Variants in SH3D19 observed in about 807,000 individuals in gnomAD.
SH3D19 encodes SH3 domain-containing protein 19.
Under a neutral mutation model 112.1 loss-of-function variants are expected in SH3D19, and 58 were observed. That is an observed-to-expected ratio of 0.52 (90% CI 0.42 to 0.64). SH3D19 has a LOEUF of 0.64. Among genes scored for constraint, SH3D19 ranks in the 30% least tolerant of loss-of-function variants. The probability of loss-of-function intolerance (pLI) is 0.00; values close to 1 mark genes in which losing one functional copy is unlikely to be tolerated. For missense variants in SH3D19, 1,090 were observed against 1,263.4 expected (o/e 0.86, Z 2.08); for synonymous variants, 391 against 448.5 (o/e 0.87, Z 1.62).
intron 1 of SH3D19, chr4:151,262,426 C>G (rs1222235519): frequency 6.6e-6 from 1 of 152,216 alleles, no homozygotes; most frequent in African/African-American, 2.4e-5. Context: ...TTGAGCTCAT[C>G]ATCAGTGAAG....
intron 2 of SH3D19, among the ~76,000 whole-genome samples, chr4:151,202,210 C>T (rs1207584924): frequency 6.6e-6 from 1 of 152,018 alleles, no homozygotes; most frequent in Admixed American, 6.6e-5. Flanking sequence ...TGGCACACAC[C>T]TGTAGTCCTA....
At chr4:151,271,931 T>C (rs1431759906) in intron 1 of SH3D19, among the ~76,000 whole-genome samples, 1 of 152,148 alleles carries the variant, frequency 6.6e-6, no homozygotes, top group Non-Finnish European at 1.5e-5. Flanking sequence ...ACGTTAATGA[T>C]GGCATAGGGT....
chr4:151,265,574 T>C (rs13131764), intron 1 of SH3D19, among the ~76,000 whole-genome samples: 39,251 of 81,134 alleles, frequency 0.48, 6,280 homozygotes, highest in Middle Eastern at 0.62. Context: ...CTTTTCTTTT[T>C]TTTTTTTTTT....
intron 1 of SH3D19, chr4:151,291,531 T>G (rs1229666311): frequency 1.9e-6 from 2 of 1,030,610 alleles, no homozygotes; most frequent in African/African-American, 3.2e-5. Flanking sequence ...GTTTTTGATT[T>G]TGGAAGTTTT....
chr4:151,185,878 A>G (rs986013761), intron 3 of SH3D19, among the ~76,000 whole-genome samples: 3 of 152,124 alleles, frequency 2.0e-5, no homozygotes, highest in Non-Finnish European at 4.4e-5. Context: ...CATCTCTACT[A>G]AAAATACAAA....
intron 19 of SH3D19, among the ~76,000 whole-genome samples, 163 bp from the exon 20 acceptor site, chr4:151,122,370 G>A (rs1748106429): frequency 6.6e-6 from 1 of 152,112 alleles, no homozygotes; most frequent in South Asian, 2.1e-4. Flanking sequence ...GATGCCATTT[G>A]CTTGTAAGCC....
chr4:151,236,550 C>T (rs183862951), intron 1 of SH3D19, among the ~76,000 whole-genome samples: 84 of 152,138 alleles, frequency 5.5e-4, no homozygotes, highest in African/African-American at 1.9e-3. Flanking sequence ...TGTAAACGCA[C>T]CAATCAGCAC....
intron 3 of SH3D19, among the ~76,000 whole-genome samples, chr4:151,183,129 T>A (rs2149841457): frequency 6.6e-6 from 1 of 151,970 alleles, no homozygotes; most frequent in African/African-American, 2.4e-5. Flanking sequence ...GTAGCTGGGA[T>A]TACAGGTGCC....
intron 1 of SH3D19, among the ~76,000 whole-genome samples, chr4:151,255,151 G>A (rs1408462246): frequency 6.6e-5 from 10 of 151,774 alleles, no homozygotes; most frequent in South Asian, 2.1e-4. Context: ...CCTCCCAGAC[G>A]GGGTGGCTGC....
At chr4:151,208,839 G>A (rs373646465) in intron 2 of SH3D19, among the ~76,000 whole-genome samples, 43 of 151,640 alleles carry the variant, frequency 2.8e-4, no homozygotes, top group African/African-American at 6.3e-4. Context: ...CACCACGCCC[G>A]GGTAATTTTT....
intron 1 of SH3D19, among the ~76,000 whole-genome samples, chr4:151,286,982 A>AAAT (rs113584974): frequency 0.35 from 49,429 of 141,558 alleles, 8,914 homozygotes; most frequent in Non-Finnish European, 0.41. Context: ...TCTGTCTCAA[A>AAAT]AATAATAATA....
At chr4:151,163,982 T>G (rs559437756) in intron 8 of SH3D19, among the ~76,000 whole-genome samples, 1 of 152,206 alleles carries the variant, frequency 6.6e-6, no homozygotes, top group Non-Finnish European at 1.5e-5. Context: ...CTTAGATTTT[T>G]TTCTCCTCCA....
chr4:151,164,050 A>G (rs1757582652), intron 8 of SH3D19, among the ~76,000 whole-genome samples: 1 of 152,226 alleles, frequency 6.6e-6, no homozygotes, highest in African/African-American at 2.4e-5. Flanking sequence ...GCCATCAGTT[A>G]GTAACAGAAT....
intron 1 of SH3D19, among the ~76,000 whole-genome samples, chr4:151,294,917 T>C (rs559787778): frequency 2.6e-5 from 4 of 152,220 alleles, no homozygotes; most frequent in Non-Finnish European, 4.4e-5. Context: ...TGACATTTGA[T>C]AGAGGCCTAA....
At position 151,219,414 on chromosome 4, in the gene SH3D19, C is replaced by T. The variant is rs147534378; in HGVS notation, c.152+6633G>A. ...AGTTGAGCCCGACCTAACTCCCCGA[C>T]TGCAAAATCCCATTGCAGTTGTCCC... is the stretch of plus-strand genomic sequence containing the variant. On this transcript the variant is annotated intron_variant, in intron 2 of 19. Coordinates refer to ENST00000604030, the MANE Select transcript of SH3D19 (RefSeq NM_001378122.1). Among the ~76,000 whole-genome samples, 307 of 152,344 alleles carry T rather than the reference C, an allele frequency of 2.0e-3. 6 individuals carry two copies. The highest frequency in any genetic ancestry group is 6.3e-4 in the Non-Finnish European group (43 of 68,024).
chr4:151,322,924 T>A (rs1190640233), intron 1 of SH3D19, among the ~76,000 whole-genome samples: 1 of 152,014 alleles, frequency 6.6e-6, no homozygotes, highest in African/African-American at 2.4e-5. Context: ...ATGGTAAAAC[T>A]GTACAGAATG....
intron 7 of SH3D19, among the ~76,000 whole-genome samples, chr4:151,167,848 C>T (rs1758351919): frequency 6.6e-6 from 1 of 151,432 alleles, no homozygotes; most frequent in Admixed American, 6.6e-5. Flanking sequence ...CCAGGCCGCC[C>T]CACCGTCTGG....
chr4:151,315,884 T>A (rs1043453931), intron 1 of SH3D19, among the ~76,000 whole-genome samples: 1 of 152,200 alleles, frequency 6.6e-6, no homozygotes. Flanking sequence ...ACTCCTTAAG[T>A]GTAGCATAAC....
chr4:151,302,894 G>C (rs1242987314), intron 1 of SH3D19, among the ~76,000 whole-genome samples: 1 of 152,136 alleles, frequency 6.6e-6, no homozygotes, highest in South Asian at 2.1e-4. Context: ...GGGAGGGATA[G>C]CATTAGGAGA....
Sources: allele counts gnomAD v4.1 joint callset (sites outside exome capture counted in the v4.1 genomes callset), GRCh38; gene constraint gnomAD v4.1.1; transcripts MANE v1.5; gene names NCBI Gene and HGNC (gene_info 2026-07-23, HGNC 2026-07-21).